Variants in SULT1C2 observed in about 807,000 individuals in gnomAD.
SULT1C2 encodes the protein sulfotransferase 1C2.
A neutral mutation model predicts 36.0 loss-of-function variants in SULT1C2; 27 were observed. The observed-to-expected ratio is 0.75, with a 90% CI of 0.55 to 1.03. The LOEUF is 1.03. Ranked by LOEUF, SULT1C2 falls within the 50% of genes least tolerant of loss-of-function variation. The probability of loss-of-function intolerance (pLI) is 0.00; values close to 1 mark genes in which losing one functional copy is unlikely to be tolerated. For synonymous variants in SULT1C2, 121 were observed against 116.0 expected (o/e 1.04, Z -0.27); for missense variants, 395 against 359.2 (o/e 1.10, Z -0.80).
chr2:108,301,107 A>G, intron 4 of SULT1C2, 172 bp downstream of exon 4: 1 of 784,614 alleles, frequency 1.3e-6, no homozygotes, highest in Non-Finnish European at 2.0e-6. Context: ...TCACCTGAAC[A>G]GTTTCAAATA....
intron 7 of SULT1C2, among the ~76,000 whole-genome samples, chr2:108,306,007 G>T (rs150794149): frequency 1.6e-3 from 237 of 152,318 alleles, no homozygotes; most frequent in Middle Eastern, 3.4e-3. Context: ...GGACTCAGCT[G>T]CTTTTCACAT....
intron 3 of SULT1C2, 172 bp from the exon 4 acceptor site, chr2:108,300,666 T>C: frequency 8.6e-7 from 1 of 1,169,220 alleles, no homozygotes. Flanking sequence ...AGCTGTGTGA[T>C]TTTACAAAAA....
Position 108,294,259 on chromosome 2 carries a change from T to A in SULT1C2, c.182T>A (p.Met61Lys). 1 of 1,614,148 alleles carries A rather than the reference T, an allele frequency of 6.2e-7. No homozygotes were observed. The highest frequency in any genetic ancestry group is 8.5e-7 in the Non-Finnish European group (1 of 1,179,998). Residue 61 changes from methionine to lysine, a missense_variant, in exon 3 of 8, where the codon ATG (methionine) becomes AAG (lysine). Coordinates refer to ENST00000251481, the MANE Select transcript of SULT1C2 (RefSeq NM_001056.4). ...GTTWIQEIVD[M>K]IEQNGDVEKC... ...ACGTGGATTCAGGAAATTGTGGATATGATTGAACAGAATGGGGACGTGGAG... is the reference window on the plus strand; with the variant it reads ...ACGTGGATTCAGGAAATTGTGGATAAGATTGAACAGAATGGGGACGTGGAG...
At position 108,304,692 on chromosome 2, in the gene SULT1C2, A is replaced by G. The variant is rs767139612; in HGVS notation, c.494A>G (p.Asn165Ser). ...GAAGAGTATTTTGAAACCTTCATCA[A>G]TGGAAAAGGTACGGGAACATCCTTC... is the stretch of plus-strand genomic sequence containing the variant. ...TWEEYFETFI[N>S]GKVVWGSWFD... Residue 165 changes from asparagine (N) to serine (S), a missense_variant, in exon 5 of 8, where the codon AAT (asparagine) becomes AGT (serine). Physicochemically the swap from Asn to Ser is conservative, Grantham distance 46. Coordinates refer to ENST00000251481, the MANE Select transcript of SULT1C2 (RefSeq NM_001056.4). 30 of 1,612,440 alleles carry G rather than the reference A, an allele frequency of 1.9e-5. No individual in the cohort carries two copies. In the East Asian group the frequency reaches 2.0e-4, roughly 11 times the overall value.
chr2:108,291,531 T>C (rs1031306554), intron 1 of SULT1C2, among the ~76,000 whole-genome samples: 4 of 152,182 alleles, frequency 2.6e-5, no homozygotes, highest in Admixed American at 1.3e-4. Context: ...TAATAACAAC[T>C]CTTGTGTGAT....
chr2:108,307,453 C>T (rs543005053), intron 7 of SULT1C2, among the ~76,000 whole-genome samples: 1 of 152,264 alleles, frequency 6.6e-6, no homozygotes, highest in East Asian at 1.9e-4. Context: ...TTATACCAAG[C>T]GAAGGATGCA....
At chr2:108,294,458 C>CCATCTCTCCTTCCTCTTTTCTCTCTCCCT in intron 3 of SULT1C2, 104 bp downstream of exon 3, 1 of 1,091,268 alleles carries the variant, frequency 9.2e-7, no homozygotes, top group Non-Finnish European at 1.2e-6. Context: ...CTCTCTCTCC[C>CCATCTCTCCTTCCTCTTTTCTCTCTCCCT]CCATCTCTCC....
At chr2:108,307,403 A>AT (rs2081715707) in intron 7 of SULT1C2, among the ~76,000 whole-genome samples, 1 of 152,232 alleles carries the variant, frequency 6.6e-6, no homozygotes, top group Non-Finnish European at 1.5e-5. Context: ...AGGGCAAGGC[A>AT]TATAGACTCA....
At chr2:108,301,950 T>C (rs1676888511) in intron 4 of SULT1C2, 2 of 152,216 alleles carry the variant, frequency 1.3e-5, no homozygotes, top group Non-Finnish European at 2.9e-5. Flanking sequence ...TCACTCCTTT[T>C]AGTAATAATG....
At chr2:108,300,805 T>A in intron 3 of SULT1C2, 33 bp from the exon 4 acceptor site, 15 of 1,613,844 alleles carry the variant, frequency 9.3e-6, no homozygotes, top group Non-Finnish European at 1.3e-5. Flanking sequence ...GTGCTTGTAC[T>A]ACGCAGATGT....
chr2:108,305,205 G>T lies in SULT1C2; in HGVS notation c.536G>T (p.Gly179Val). 1 of 1,614,190 alleles carries T rather than the reference G, an allele frequency of 6.2e-7. No homozygotes were observed. Among genetic ancestry groups the T allele is most frequent in the Non-Finnish European group, 8.5e-7 (1 of 1,180,034 alleles). Residue 179 changes from glycine to valine, a missense_variant, in exon 6 of 8, where the codon GGA (glycine) becomes GTA (valine). Gly to Val is a moderately radical substitution (Grantham distance 109). Transcript: ENST00000251481. ...VWGSWFDHVK[G>V]WWEMKDRHQI... ...GGTTCCTGGTTTGACCACGTGAAAG[G>T]ATGGTGGGAGATGAAAGACAGACAC... is the stretch of plus-strand genomic sequence containing the variant.
At chr2:108,294,400 C>T (rs1454508458) in intron 3 of SULT1C2, 46 bp downstream of exon 3, 3 of 1,581,718 alleles carry the variant, frequency 1.9e-6, no homozygotes, top group African/African-American at 2.9e-5. Context: ...CTTTCCCTCT[C>T]TCTTCTGTTT....
chr2:108,305,179 G>C lies in SULT1C2; in HGVS notation c.510G>C (p.Trp170Cys). 1.2e-6 allele frequency: 2 copies of C among 1,614,118 alleles called. No individual in the cohort carries two copies. Among genetic ancestry groups the C allele is most frequent in the South Asian group, 1.1e-5 (1 of 91,072 alleles). Reference protein sequence around the residue: ...FETFINGKVVWGSWFDHVKGW... With the variant: ...FETFINGKVVCGSWFDHVKGW... ...TTCCTGTGTCTATTTCAGTGGTTTG[G>C]GGTTCCTGGTTTGACCACGTGAAAG... Residue 170 changes from tryptophan (W) to cysteine (C), a missense_variant, in exon 6 of 8, where the codon TGG (tryptophan) becomes TGC (cysteine). Transcript: ENST00000251481.
intron 3 of SULT1C2, chr2:108,299,442 T>C (rs923925983): frequency 6.6e-6 from 1 of 152,338 alleles, no homozygotes; most frequent in Non-Finnish European, 1.5e-5. Flanking sequence ...GGAGAGACCC[T>C]TGAAGAGTGA....
At chr2:108,306,717 C>G (rs1345231631) in intron 7 of SULT1C2, among the ~76,000 whole-genome samples, 3 of 152,054 alleles carry the variant, frequency 2.0e-5, no homozygotes, top group Non-Finnish European at 2.9e-5. Flanking sequence ...ACCAACCTGG[C>G]CAACATGGTG....
rs538665356 is a variant in SULT1C2 at position 108,301,123 on chromosome 2, T to G, written c.375+188T>G. The G allele has an allele frequency of 5.8e-6, 4 of 690,200 alleles. No individual in the cohort carries two copies. The East Asian group carries it at 1.1e-4, about 19-fold the overall frequency. The allele number at this position is 690,200 out of a possible 1,614,324, so 42.8% of individuals were successfully genotyped here. On this transcript the variant is annotated intron_variant, in intron 4 of 7. Coordinates refer to ENST00000251481, the MANE Select transcript of SULT1C2 (RefSeq NM_001056.4). ...CACCTGAACAGTTTCAAATAGGACA[T>G]GAAGGCAGGATCCAGATTGAATGTT...
At chr2:108,301,193 T>C (rs1410532998) in intron 4 of SULT1C2, 3 of 432,648 alleles carry the variant, frequency 6.9e-6, no homozygotes, top group East Asian at 3.8e-5. Context: ...GCAGTAAGCG[T>C]AGCTGTGAAA....
chr2:108,305,086 C>G, intron 5 of SULT1C2, 86 bp from the exon 6 acceptor site: 1 of 1,509,198 alleles, frequency 6.6e-7, no homozygotes, highest in South Asian at 1.2e-5. Flanking sequence ...TTTTCTCTCT[C>G]TAACTCACTT....
In SULT1C2 at chr2:108,289,047, C is replaced by A. The variant is rs1306268131; in HGVS notation, c.-45C>A. 6.6e-6 allele frequency: 1 copy of A among 152,624 alleles called. No individual in the cohort carries two copies. The highest frequency in any genetic ancestry group is 1.5e-5 in the Non-Finnish European group (1 of 68,042). The allele number at this position is 152,624 out of a possible 1,614,324, so 9.5% of individuals were successfully genotyped here. A position where few individuals can be genotyped will look rare whatever the true frequency, so the allele number is the denominator to read the frequency against. On this transcript the variant is annotated 5_prime_UTR_variant, in exon 1 of 8. In the 5' UTR this introduces an upstream ATG that the reference lacks. Coordinates refer to ENST00000251481, the MANE Select transcript of SULT1C2 (RefSeq NM_001056.4). ...GACCCTTGAGTGGGCCTTTGAGCTGCTGACTTTCAGCTGGAACTTGAAGGT... is the reference window on the plus strand; with the variant it reads ...GACCCTTGAGTGGGCCTTTGAGCTGATGACTTTCAGCTGGAACTTGAAGGT...
Sources: allele counts gnomAD v4.1 joint callset (sites outside exome capture counted in the v4.1 genomes callset), GRCh38; gene constraint gnomAD v4.1.1; transcripts MANE v1.5; gene names NCBI Gene and HGNC (gene_info 2026-07-23, HGNC 2026-07-21).